The following SLCO1B1 variants were observed in gnomAD, a reference collection of about 807,000 sequenced individuals.
SLCO1B1 encodes OATP-2.
In SLCO1B1, 81 loss-of-function variants were observed where a neutral mutation model predicts 70.1. The ratio of observed to expected loss-of-function variants is 1.16; its 90% CI spans 0.97 to 1.39. The LOEUF (loss-of-function observed/expected upper bound fraction) is 1.39. SLCO1B1 is among the 40% of genes most tolerant of loss of function. SLCO1B1 has a pLI of 0.00. For missense variants in SLCO1B1, 895 were observed against 799.6 expected (o/e 1.12, Z -1.44); for synonymous variants, 283 against 271.5 (o/e 1.04, Z -0.42).
At chr12:21,134,469 T>C (rs1404350496) in intron 1 of SLCO1B1, among the ~76,000 whole-genome samples, 1 of 152,060 alleles carries the variant, frequency 6.6e-6, no homozygotes, top group African/African-American at 2.4e-5. Context: ...GTCCTGGACT[T>C]TTTTTTGTTG....
intron 2 of SLCO1B1, among the ~76,000 whole-genome samples, chr12:21,141,969 A>G (rs886316565): frequency 6.6e-6 from 1 of 151,736 alleles, no homozygotes; most frequent in South Asian, 2.1e-4. Context: ...TAAAAAATGC[A>G]TAATGAATAA....
chr12:21,198,156 C>A (rs912113661), intron 8 of SLCO1B1, among the ~76,000 whole-genome samples: 1 of 152,078 alleles, frequency 6.6e-6, no homozygotes, highest in African/African-American at 2.4e-5. Flanking sequence ...TTGCTATTTT[C>A]TCCTTTCTAT....
intron 2 of SLCO1B1, among the ~76,000 whole-genome samples, chr12:21,146,823 T>C (rs921224606): frequency 6.6e-6 from 1 of 152,136 alleles, no homozygotes; most frequent in Non-Finnish European, 1.5e-5. Flanking sequence ...TGTGTTAAGG[T>C]GTGTTTTATG....
Position 21,239,160 on chromosome 12 carries a change from G to C in SLCO1B1, c.2047G>C (p.Ala683Pro). ...TAAAAATAAACATTTTGTCCCTTCT[G>C]CTGGGGCAGATAGTGAAACACATTG... Reference protein sequence around the residue: ...LNKNKHFVPSAGADSETHC With the variant: ...LNKNKHFVPSPGADSETHC The change falls in exon 15 of 15, where the codon GCT becomes CCT. Residue 683 changes from alanine (A) to proline (P), a missense_variant. Coordinates refer to ENST00000256958, the MANE Select transcript of SLCO1B1 (RefSeq NM_006446.5). The C allele has an allele frequency of 6.2e-7, 1 of 1,613,044 alleles. No homozygotes were observed. The highest frequency in any genetic ancestry group is 8.5e-7 in the Non-Finnish European group (1 of 1,179,304).
intron 13 of SLCO1B1, among the ~76,000 whole-genome samples, chr12:21,224,022 A>C (rs990773793): frequency 6.6e-6 from 1 of 152,340 alleles, no homozygotes; most frequent in African/African-American, 2.4e-5. Context: ...CAGAACACTA[A>C]CACAAACAAA....
intron 1 of SLCO1B1, among the ~76,000 whole-genome samples, chr12:21,131,917 A>T (rs1217763784): frequency 6.6e-6 from 1 of 152,030 alleles, no homozygotes; most frequent in Non-Finnish European, 1.5e-5. Flanking sequence ...TACATGTGCC[A>T]TGTTGGTGTG....
At chr12:21,149,195 C>T (rs563925212) in intron 2 of SLCO1B1, among the ~76,000 whole-genome samples, 3 of 152,214 alleles carry the variant, frequency 2.0e-5, no homozygotes, top group East Asian at 3.9e-4. Flanking sequence ...TTCCTCTCTT[C>T]TTATTTGAGT....
chr12:21,189,736 A>G (rs1338528803), intron 7 of SLCO1B1, among the ~76,000 whole-genome samples: 4 of 152,144 alleles, frequency 2.6e-5, no homozygotes, highest in Non-Finnish European at 5.9e-5. Flanking sequence ...GTTATCAGCC[A>G]CTGACTGACA....
At chr12:21,220,273 G>A (rs1299048717) in intron 12 of SLCO1B1, among the ~76,000 whole-genome samples, 2 of 152,158 alleles carry the variant, frequency 1.3e-5, no homozygotes, top group African/African-American at 2.4e-5. Flanking sequence ...TGAGCAGCCT[G>A]TTCAATATCT....
chr12:21,228,030 A>G (rs925329367), intron 14 of SLCO1B1, among the ~76,000 whole-genome samples: 1 of 152,090 alleles, frequency 6.6e-6, no homozygotes, highest in African/African-American at 2.4e-5. Context: ...ATATGCATAT[A>G]TAAGACAGAC....
At chr12:21,233,567 CAAACA>C (rs1484958863) in intron 14 of SLCO1B1, among the ~76,000 whole-genome samples, 1 of 116,592 alleles carries the variant, frequency 8.6e-6, no homozygotes, top group Admixed American at 8.5e-5. Flanking sequence ...AAAAAACAAA[CAAACA>C]AAAAAAAAAA....
chr12:21,234,942 G>C (rs1016642437), intron 14 of SLCO1B1, among the ~76,000 whole-genome samples: 1 of 151,956 alleles, frequency 6.6e-6, no homozygotes, highest in Non-Finnish European at 1.5e-5. Flanking sequence ...AAAATTTATT[G>C]TGACTTATGA....
chr12:21,205,701 T>G (rs1941207205), intron 10 of SLCO1B1, among the ~76,000 whole-genome samples, 167 bp from the exon 11 acceptor site: 1 of 151,842 alleles, frequency 6.6e-6, no homozygotes, highest in African/African-American at 2.4e-5. Context: ...AAAAAAACTT[T>G]GCCATTTCGT....
chr12:21,236,132 A>G (rs1461520309), intron 14 of SLCO1B1, among the ~76,000 whole-genome samples: 1 of 152,096 alleles, frequency 6.6e-6, no homozygotes, highest in Non-Finnish European at 1.5e-5. Flanking sequence ...AGAGTGGGAA[A>G]TTACCCTCTA....
Position 21,141,539 on chromosome 12 carries a change from CA to C in SLCO1B1, c.-34del. 7.5e-7 allele frequency: 1 copy of C among 1,340,050 alleles called. No homozygotes were observed. The highest frequency in any genetic ancestry group is 1.1e-6 in the Non-Finnish European group (1 of 933,784). 83.0% of individuals were successfully genotyped at this position (1,340,050 alleles called of 1,614,324 possible). On this transcript the variant is annotated 5_prime_UTR_variant, in exon 2 of 15. Coordinates refer to ENST00000256958, the MANE Select transcript of SLCO1B1 (RefSeq NM_006446.5). ...GTGATTGTTTCAAACTGAGCATCAA[CA>C]ACAAAAACATTTGTATGATATCTAT...
At chr12:21,182,524 A>T (rs1591812033) in intron 7 of SLCO1B1, among the ~76,000 whole-genome samples, 2 of 152,242 alleles carry the variant, frequency 1.3e-5, no homozygotes, top group African/African-American at 4.8e-5. Flanking sequence ...TCTGTATTGT[A>T]GGCCCTTCTG....
At chr12:21,192,530 C>A (rs530092183) in intron 7 of SLCO1B1, among the ~76,000 whole-genome samples, 1 of 151,684 alleles carries the variant, frequency 6.6e-6, no homozygotes, top group Admixed American at 6.6e-5. Flanking sequence ...TCAAAAAGAT[C>A]AACACTTAGT....
intron 7 of SLCO1B1, among the ~76,000 whole-genome samples, chr12:21,190,400 G>C (rs796497148): frequency 6.6e-6 from 1 of 152,118 alleles, no homozygotes; most frequent in African/African-American, 2.4e-5. Context: ...CCACATACCT[G>C]TGTCTGAGTA....
At position 21,202,561 on chromosome 12, in the gene SLCO1B1, G is replaced by T; in HGVS notation, c.1206G>T (p.Leu402=). ...GATATATCATTAAAAAATTCAAACT[G>T]AACACCGTTGGAATTGCCAAATTCT... ...LGGYIIKKFK[L]NTVGIAKFSC... The change falls in exon 10 of 15, where the codon CTG becomes CTT. Residue 402 remains leucine (L), a synonymous_variant. Transcript: ENST00000256958. 1 of 1,611,954 alleles carries T rather than the reference G, an allele frequency of 6.2e-7. No individual in the cohort carries two copies. Among genetic ancestry groups the T allele is most frequent in the South Asian group, 1.1e-5 (1 of 90,934 alleles).
Sources: gnomAD v4.1 joint callset for allele counts (sites outside exome capture counted in the v4.1 genomes callset) on GRCh38, gnomAD v4.1.1 for gene constraint, MANE v1.5 for transcripts, NCBI Gene and HGNC (gene_info 2026-07-23, HGNC 2026-07-21) for gene names.